Variants in BCLAF1 observed in about 807,000 individuals in gnomAD.
BCLAF1 encodes BCL2 associated transcription factor 1.
A neutral mutation model predicts 99.5 loss-of-function variants in BCLAF1; 10 were observed. The observed-to-expected ratio is 0.10, with a 90% CI of 0.06 to 0.17. The LOEUF is 0.17. Among genes scored for constraint, BCLAF1 ranks in the 10% least tolerant of loss-of-function variants. The pLI, the probability that BCLAF1 is intolerant of heterozygous loss-of-function variation, is 1.00. For synonymous variants in BCLAF1, 255 were observed against 370.9 expected, an observed-to-expected ratio of 0.69 and a Z score of 3.59; for missense variants, 636 against 1,105.8, an observed-to-expected ratio of 0.58 and a Z score of 6.02.
In BCLAF1 at chr6:136,281,508, C is replaced by T. The variant is rs1784380869; in HGVS notation, c.-11+1076G>A. ...CAAAGTTTTTAAAAGAATATAAATA[C>T]GTAATTTACATTCATTCTGATCGAA... is the stretch of plus-strand genomic sequence containing the variant. On this transcript the variant is annotated intron_variant, in intron 2 of 12. Transcript: ENST00000531224. Among the ~76,000 whole-genome samples the T allele has an allele frequency of 2.0e-5, 3 of 152,070 alleles. No homozygotes were observed. The South Asian group carries it at 6.2e-4, about 32-fold the overall frequency.
At chr6:136,283,389 G>T (rs913102435) in intron 1 of BCLAF1, among the ~76,000 whole-genome samples, 1 of 151,978 alleles carries the variant, frequency 6.6e-6, no homozygotes, top group African/African-American at 2.4e-5. Flanking sequence ...AAAGCATCTT[G>T]ATACGTCTAC....
chr6:136,283,548 C>T (rs1326324865), intron 1 of BCLAF1, among the ~76,000 whole-genome samples: 1 of 152,250 alleles, frequency 6.6e-6, no homozygotes, highest in East Asian at 1.9e-4. Flanking sequence ...TGTATATTCA[C>T]ATCAAGTATG....
Position 136,279,744 on chromosome 6 carries a change from T to C in BCLAF1, c.104+19A>G. 1 of 1,530,518 alleles carries C rather than the reference T, an allele frequency of 6.5e-7. No homozygotes were observed. Among genetic ancestry groups the C allele is most frequent in the Non-Finnish European group, 8.8e-7 (1 of 1,140,272 alleles). 94.8% of individuals were successfully genotyped at this position (1,530,518 alleles called of 1,614,324 possible). On this transcript the variant is annotated intron_variant, in intron 3 of 12. Transcript: ENST00000531224. ...TAACTGATATAATTATTTTAAAAATTTAAAGCACATTAAATCACCTGTATC... is the reference window on the plus strand; with the variant it reads ...TAACTGATATAATTATTTTAAAAATCTAAAGCACATTAAATCACCTGTATC...
chr6:136,264,122 T>G (rs1209101733), intron 11 of BCLAF1, among the ~76,000 whole-genome samples: 3 of 152,164 alleles, frequency 2.0e-5, no homozygotes, highest in African/African-American at 4.8e-5. Context: ...CTCAAAAGCC[T>G]TTTTTAAGTA....
At chr6:136,271,246 A>C (rs1782490196) in intron 8 of BCLAF1, among the ~76,000 whole-genome samples, 1 of 151,854 alleles carries the variant, frequency 6.6e-6, no homozygotes, top group African/African-American at 2.4e-5. Flanking sequence ...AATTGGAACC[A>C]AGCAGTACTT....
chr6:136,278,861 A>G, intron 3 of BCLAF1, 85 bp from the exon 4 acceptor site: 4 of 1,271,646 alleles, frequency 3.1e-6, no homozygotes, highest in Non-Finnish European at 4.1e-6. Flanking sequence ...ATAACATGTA[A>G]ATAAACAGTA....
rs571371896 is a variant in BCLAF1 at position 136,256,868 on chromosome 6, T to C, written c.*4242A>G. 10 of 152,000 alleles carry C rather than the reference T, an allele frequency of 6.6e-5. No homozygotes were observed. The South Asian group carries it at 2.1e-3, about 32-fold the overall frequency. The allele number at this position is 152,000 out of a possible 1,614,324, so 9.4% of individuals were successfully genotyped here. On this transcript the variant is annotated 3_prime_UTR_variant, in exon 13 of 13. Coordinates refer to ENST00000531224, the MANE Select transcript of BCLAF1 (RefSeq NM_014739.3). ...GCAAATAATCCACTATTCTGGAGGG[T>C]GAGTGGTATTTTTTATTTATTGTTG...
At chr6:136,275,035 T>C (rs1783062877) in intron 6 of BCLAF1, among the ~76,000 whole-genome samples, 1 of 152,040 alleles carries the variant, frequency 6.6e-6, no homozygotes, top group South Asian at 2.1e-4. Flanking sequence ...TTTTAAGATT[T>C]TTATGTATAA....
intron 1 of BCLAF1, among the ~76,000 whole-genome samples, chr6:136,287,677 A>G (rs1161342209): frequency 6.6e-6 from 1 of 152,202 alleles, no homozygotes; most frequent in Non-Finnish European, 1.5e-5. Context: ...CTCCATTTCT[A>G]AGTCTTCTCA....
Position 136,261,472 on chromosome 6 carries a change from G to C in BCLAF1, c.2550C>G (p.Asp850Glu). 1.2e-6 allele frequency: 2 copies of C among 1,612,388 alleles called. No homozygotes were observed. The highest frequency in any genetic ancestry group is 1.7e-6 in the Non-Finnish European group (2 of 1,179,282). The change falls in exon 12 of 13, where the codon GAC (aspartate) becomes GAG (glutamate). Residue 850 changes from aspartate (D) to glutamate (E), a missense_variant. Transcript: ENST00000531224. ...AATAATCCACACCATCATCTCTGTC[G>C]TCATGCTACAGAAAGGTTAAAAACA... ...TPKSKKYFLH[D>E]DRDDGVDYWA... is the part of the protein sequence containing the mutation.
intron 2 of BCLAF1, among the ~76,000 whole-genome samples, chr6:136,281,433 C>T (rs1050445878): frequency 6.6e-6 from 1 of 152,148 alleles, no homozygotes; most frequent in South Asian, 2.1e-4. Flanking sequence ...ATCTTGGCCA[C>T]GGGGAACTGT....
Position 136,281,881 on chromosome 6 carries a change from C to A in BCLAF1, c.-11+703G>T, listed in dbSNP as rs138831016. Among the ~76,000 whole-genome samples the A allele has an allele frequency of 2.7e-3, 413 of 152,302 alleles. 1 individual carries two copies. The highest frequency in any genetic ancestry group is 9.3e-3 in the African/African-American group (388 of 41,572). Reference sequence around the variant, plus strand: ...ATAACTATAAAATGAATGCATTCCCCAGAACCTGGACATTTTTTAAAGCAG... The same window carrying A: ...ATAACTATAAAATGAATGCATTCCCAAGAACCTGGACATTTTTTAAAGCAG... On this transcript the variant is annotated intron_variant, in intron 2 of 12. Coordinates refer to ENST00000531224, the MANE Select transcript of BCLAF1 (RefSeq NM_014739.3).
chr6:136,275,662 T>G lies in BCLAF1; in HGVS notation c.1722A>C (p.Thr574=), dbSNP rs1428038860. Residue 574 remains threonine, a synonymous_variant, in exon 6 of 13, where the codon ACA becomes ACC. Coordinates refer to ENST00000531224, the MANE Select transcript of BCLAF1 (RefSeq NM_014739.3). ...GCTCCTTCTTGACAGAATGGACAAG[T>G]GTACTAGCAAGCAGCCTGTCTTTAG... is the stretch of plus-strand genomic sequence containing the variant. ...SLTKDRLLAS[T]LVHSVKKEQE... The G allele has an allele frequency of 6.3e-7, 1 of 1,590,814 alleles. No homozygotes were observed. The highest frequency in any genetic ancestry group is 1.4e-5 in the African/African-American group (1 of 74,050).
chr6:136,273,360 G>C (rs934094751), intron 6 of BCLAF1, 173 bp from the exon 7 acceptor site: 2 of 565,184 alleles, frequency 3.5e-6, no homozygotes, highest in South Asian at 4.5e-5. Context: ...ACCTCAACAG[G>C]AGAGTGTTTC....
intron 1 of BCLAF1, among the ~76,000 whole-genome samples, chr6:136,284,142 A>G (rs1445266094): frequency 2.3e-4 from 33 of 145,354 alleles, no homozygotes; most frequent in African/African-American, 8.0e-4. Flanking sequence ...ATATATATAT[A>G]TATATATATA....
intron 11 of BCLAF1, among the ~76,000 whole-genome samples, chr6:136,266,814 T>G (rs1452619624): frequency 6.6e-6 from 1 of 152,070 alleles, no homozygotes; most frequent in East Asian, 1.9e-4. Context: ...TTGCTTACCC[T>G]GATCAGCCTA....
chr6:136,267,062 T>C lies in BCLAF1; in HGVS notation c.2511A>G (p.Pro837=). 1 of 1,613,194 alleles carries C rather than the reference T, an allele frequency of 6.2e-7. No individual in the cohort carries two copies. The highest frequency in any genetic ancestry group is 8.5e-7 in the Non-Finnish European group (1 of 1,179,356). The part of the protein sequence containing the change: ...QKRPKEEEWD[P]EYTPKSKKYF... ...ACTTCTTGCTCTTTGGGGTATATTCTGGATCCCATTCCTCTTCCTTCGGTC... is the reference window on the plus strand; with the variant it reads ...ACTTCTTGCTCTTTGGGGTATATTCCGGATCCCATTCCTCTTCCTTCGGTC... The change falls in exon 11 of 13, where the codon CCA becomes CCG. Residue 837 remains proline (P), a synonymous_variant. Coordinates refer to ENST00000531224, the MANE Select transcript of BCLAF1 (RefSeq NM_014739.3).
intron 1 of BCLAF1, among the ~76,000 whole-genome samples, chr6:136,289,397 G>C (rs1008534094): frequency 6.6e-6 from 1 of 152,194 alleles, no homozygotes; most frequent in African/African-American, 2.4e-5. Context: ...ACGGGCTGAA[G>C]AAATGGGGGA....
chr6:136,280,458 C>T (rs1391922390), intron 2 of BCLAF1, among the ~76,000 whole-genome samples: 1 of 152,112 alleles, frequency 6.6e-6, no homozygotes, highest in Non-Finnish European at 1.5e-5. Flanking sequence ...AGCCATGGCT[C>T]TGCTCTCAGT....
Sources: gnomAD v4.1 joint callset for allele counts (sites outside exome capture counted in the v4.1 genomes callset) on GRCh38, gnomAD v4.1.1 for gene constraint, MANE v1.5 for transcripts, NCBI Gene and HGNC (gene_info 2026-07-23, HGNC 2026-07-21) for gene names.